Variants in TNRC6B observed in about 807,000 individuals in gnomAD.
The protein encoded by TNRC6B is trinucleotide repeat-containing gene 6B protein.
TNRC6B carries 52 observed loss-of-function variants against 203.6 expected under a neutral mutation model. That is an observed-to-expected ratio of 0.26 (90% CI 0.20 to 0.32). The LOEUF is 0.32. Ranked by LOEUF, TNRC6B falls within the 10% of genes least tolerant of loss-of-function variation. The pLI, the probability that TNRC6B is intolerant of heterozygous loss-of-function variation, is 1.00. For missense variants in TNRC6B, 1,923 were observed against 2,286.2 expected (o/e 0.84, Z 3.24); for synonymous variants, 838 against 845.7 (o/e 0.99, Z 0.16).
intron 1 of TNRC6B, among the ~76,000 whole-genome samples, chr22:40,094,930 G>A (rs114304392): frequency 6.6e-6 from 1 of 152,004 alleles, no homozygotes; most frequent in African/African-American, 2.4e-5. Context: ...GTTTTAGTTG[G>A]TCTTATTGCT....
At chr22:40,096,258 T>C (rs1328971782) in intron 1 of TNRC6B, among the ~76,000 whole-genome samples, 4 of 152,154 alleles carry the variant, frequency 2.6e-5, no homozygotes, top group African/African-American at 9.7e-5. Flanking sequence ...AGGACAATCA[T>C]TGGCCATAAG....
At chr22:40,111,298 G>T (rs1202981703) in intron 1 of TNRC6B, among the ~76,000 whole-genome samples, 1 of 136,422 alleles carries the variant, frequency 7.3e-6, no homozygotes, top group Non-Finnish European at 1.5e-5. Flanking sequence ...AGGGACCGGG[G>T]TGAGCAGGGA....
chr22:40,133,641 G>A (rs73412621), intron 3 of TNRC6B, among the ~76,000 whole-genome samples: 4,273 of 152,194 alleles, frequency 0.028, 188 homozygotes, highest in African/African-American at 0.098. Context: ...GGGGGAGAAG[G>A]CTATTATATG....
At chr22:40,149,626 C>T (rs1446264738) in intron 3 of TNRC6B, among the ~76,000 whole-genome samples, 3 of 148,792 alleles carry the variant, frequency 2.0e-5, no homozygotes, top group South Asian at 2.1e-4. Flanking sequence ...GCCGAGATCG[C>T]GCCATTGCAC....
intron 4 of TNRC6B, among the ~76,000 whole-genome samples, chr22:40,157,208 C>G (rs1435583174): frequency 6.6e-6 from 1 of 152,148 alleles, no homozygotes; most frequent in South Asian, 2.1e-4. Flanking sequence ...TTTTCATATG[C>G]CCTTTTAAAG....
rs2071416169 is a variant in TNRC6B at position 40,327,291 on chromosome 22, G to A, written c.*4050G>A. ...AAGATACTCACCCATAAAGGAAATT[G>A]GAGTGGTTCTGGACAGGCCCCAAAG... is the stretch of plus-strand genomic sequence containing the variant. On this transcript the variant is annotated 3_prime_UTR_variant, in exon 23 of 23. Transcript: ENST00000454349. 6.6e-6 allele frequency: 1 copy of A among 152,666 alleles called. No homozygotes were observed. Among genetic ancestry groups the A allele is most frequent in the South Asian group, 2.1e-4 (1 of 4,830 alleles). The allele number at this position is 152,666 out of a possible 1,614,324, so 9.5% of individuals were successfully genotyped here. A position where few individuals can be genotyped will look rare whatever the true frequency, so the allele number is the denominator to read the frequency against.
intron 3 of TNRC6B, among the ~76,000 whole-genome samples, chr22:40,138,865 G>A (rs1030638256): frequency 6.6e-6 from 1 of 152,114 alleles, no homozygotes; most frequent in Non-Finnish European, 1.5e-5. Context: ...CTAAAAAAAA[G>A]TAAAAATAAA....
intron 1 of TNRC6B, among the ~76,000 whole-genome samples, chr22:40,090,084 G>C (rs1479865497): frequency 6.6e-6 from 1 of 151,972 alleles, no homozygotes; most frequent in Non-Finnish European, 1.5e-5. Flanking sequence ...TTCACCTATT[G>C]AAGGCCATCT....
chr22:40,280,150 T>C lies in TNRC6B; in HGVS notation c.3411+7T>C. 6.2e-7 allele frequency: 1 copy of C among 1,611,004 alleles called. No homozygotes were observed. On this transcript the variant is annotated splice_region_variant and intron_variant, in intron 10 of 22. Transcript: ENST00000454349. Reference sequence around the variant, plus strand: ...TGGGCCTTATTTTGAGAAGGTGAGTTGAATCCTTTGTTTAAGATAATAATT... The same window carrying C: ...TGGGCCTTATTTTGAGAAGGTGAGTCGAATCCTTTGTTTAAGATAATAATT...
chr22:40,047,977 A>G (rs1486623318), intron 1 of TNRC6B, among the ~76,000 whole-genome samples: 2 of 152,214 alleles, frequency 1.3e-5, no homozygotes, highest in South Asian at 4.1e-4. Context: ...GTTTAACAGG[A>G]CAATAAGAAA....
chr22:40,301,126 G>C, intron 14 of TNRC6B, 24 bp from the exon 15 acceptor site: 1 of 1,552,930 alleles, frequency 6.4e-7, no homozygotes, highest in Non-Finnish European at 8.7e-7. Context: ...TGCTTATCAC[G>C]TGTCTGTCTC....
In TNRC6B at chr22:40,270,904, A is replaced by G. The variant is rs529219077; in HGVS notation, c.2965+624A>G. The stretch of plus-strand genomic sequence containing the variant: ...TATGTGCTCACCATATCTAGCTTGC[A>G]TTTCTACTTGTTAGTATAATTTAAA... On this transcript the variant is annotated intron_variant, in intron 6 of 22. Transcript: ENST00000454349. 7.1e-4 allele frequency among the ~76,000 whole-genome samples: 108 copies of G among 152,326 alleles called. 2 individuals are homozygous for G. The highest frequency in any genetic ancestry group is 3.4e-3 in the Middle Eastern group (1 of 294).
chr22:40,293,404 T>C (rs1302083376), intron 12 of TNRC6B, among the ~76,000 whole-genome samples: 3 of 151,868 alleles, frequency 2.0e-5, no homozygotes, highest in Non-Finnish European at 4.4e-5. Context: ...TGTTGGCCAG[T>C]CTGGTCTCGA....
rs545796256 is a variant in TNRC6B at position 40,293,816 on chromosome 22, A to G, written c.3709-6639A>G. Among the ~76,000 whole-genome samples, 11 of 152,144 alleles carry G rather than the reference A, an allele frequency of 7.2e-5. No individual in the cohort carries two copies. In the East Asian group the frequency reaches 2.1e-3, roughly 29 times the overall value. On this transcript the variant is annotated intron_variant, in intron 12 of 22. Transcript: ENST00000454349. The stretch of plus-strand genomic sequence containing the variant: ...CATGTATTTTGAGCGCAGTTAATAT[A>G]TATTAAGTCATGGGAAGATGCATAT...
At chr22:40,051,821 T>C (rs569878553) in intron 1 of TNRC6B, among the ~76,000 whole-genome samples, 1 of 152,346 alleles carries the variant, frequency 6.6e-6, no homozygotes, top group Non-Finnish European at 1.5e-5. Flanking sequence ...TTTATTGACT[T>C]CAGTATATCC....
In TNRC6B at chr22:40,261,816, A is replaced by C; in HGVS notation, c.116-16A>C. On this transcript the variant is annotated splice_polypyrimidine_tract_variant and intron_variant, in intron 3 of 22. Transcript: ENST00000454349. The stretch of plus-strand genomic sequence containing the variant: ...TGATGTATTTCAAAGACTGTTTCCC[A>C]ACCCCTCTCTTTTAGTGCCCGAAGT... The C allele has an allele frequency of 6.6e-7, 1 of 1,521,830 alleles. No homozygotes were observed. Among genetic ancestry groups the C allele is most frequent in the Non-Finnish European group, 8.9e-7 (1 of 1,120,190 alleles). 94.3% of individuals were successfully genotyped at this position (1,521,830 alleles called of 1,614,324 possible). A position where few individuals can be genotyped will look rare whatever the true frequency, so the allele number is the denominator to read the frequency against.
intron 1 of TNRC6B, among the ~76,000 whole-genome samples, chr22:40,195,886 CA>C (rs563212834): frequency 9.0e-4 from 137 of 152,352 alleles, no homozygotes; most frequent in African/African-American, 3.1e-3. Context: ...TCTCCTGCCT[CA>C]GCCTCCCCAG....
chr22:40,313,558 A>G (rs989516751), intron 19 of TNRC6B, among the ~76,000 whole-genome samples: 2 of 152,250 alleles, frequency 1.3e-5, no homozygotes, highest in South Asian at 2.1e-4. Flanking sequence ...CTCACTGAGC[A>G]TAGTGCCTTA....
At chr22:40,200,584 G>A (rs369091218) in intron 1 of TNRC6B, among the ~76,000 whole-genome samples, 21 of 151,924 alleles carry the variant, frequency 1.4e-4, no homozygotes, top group East Asian at 1.2e-3. Flanking sequence ...CACCGCGCCC[G>A]GCTAAAAAGT....
Sources: gnomAD v4.1 joint callset for allele counts (sites outside exome capture counted in the v4.1 genomes callset) on GRCh38, gnomAD v4.1.1 for gene constraint, MANE v1.5 for transcripts, NCBI Gene and HGNC (gene_info 2026-07-23, HGNC 2026-07-21) for gene names.